The following FLT1 variants were observed in gnomAD, a reference collection of about 807,000 sequenced individuals.
FLT1 encodes the protein vascular endothelial growth factor receptor 1.
In FLT1, 49 loss-of-function variants were observed where a neutral mutation model predicts 156.3. The ratio of observed to expected loss-of-function variants is 0.31; its 90% CI spans 0.25 to 0.40. The LOEUF (loss-of-function observed/expected upper bound fraction) is 0.40. Among genes scored for constraint, FLT1 ranks in the 10% least tolerant of loss-of-function variants. The pLI is 1.00. For synonymous variants in FLT1, 594 were observed against 583.8 expected (o/e 1.02, Z -0.25); for missense variants, 1,322 against 1,637.2 (o/e 0.81, Z 3.32).
chr13:28,394,706 T>C (rs1874937626), intron 12 of FLT1, among the ~76,000 whole-genome samples: 3 of 152,200 alleles, frequency 2.0e-5, no homozygotes, highest in Admixed American at 1.3e-4. Context: ...AGCTCTGTTC[T>C]GGTCGCAGCT....
chr13:28,316,364 G>A (rs1377239475), intron 25 of FLT1, among the ~76,000 whole-genome samples: 1 of 152,232 alleles, frequency 6.6e-6, no homozygotes, highest in Admixed American at 6.5e-5. Flanking sequence ...ACCCCATTGT[G>A]TGGGTGGAAT....
intron 15 of FLT1, among the ~76,000 whole-genome samples, chr13:28,348,205 T>C (rs1051124061): frequency 6.6e-6 from 1 of 152,214 alleles, no homozygotes; most frequent in Non-Finnish European, 1.5e-5. Flanking sequence ...GACTACCTCA[T>C]TGGCCATGGC....
At chr13:28,328,110 TA>T (rs1490771245) in intron 19 of FLT1, among the ~76,000 whole-genome samples, 5 of 152,242 alleles carry the variant, frequency 3.3e-5, no homozygotes, top group Admixed American at 3.3e-4. Flanking sequence ...ATCAAGGAGC[TA>T]CTACTCAATT....
chr13:28,311,114 C>T (rs1870983311), intron 27 of FLT1, among the ~76,000 whole-genome samples: 1 of 152,050 alleles, frequency 6.6e-6, no homozygotes, highest in East Asian at 1.9e-4. Flanking sequence ...CCCACCACCA[C>T]ACCCGGCTAA....
chr13:28,424,964 G>A (rs1337769394), intron 10 of FLT1, among the ~76,000 whole-genome samples: 2 of 152,040 alleles, frequency 1.3e-5, no homozygotes, highest in African/African-American at 4.8e-5. Flanking sequence ...AATTAAAGAG[G>A]GTTTCATTTA....
chr13:28,357,324 A>G (rs1481520771), intron 15 of FLT1, among the ~76,000 whole-genome samples: 2 of 152,042 alleles, frequency 1.3e-5, no homozygotes, highest in African/African-American at 4.8e-5. Context: ...TCCCGCAGAC[A>G]CTGTGTTCGG....
chr13:28,341,731 C>T (rs575554544), intron 16 of FLT1, among the ~76,000 whole-genome samples: 2 of 152,174 alleles, frequency 1.3e-5, no homozygotes, highest in Non-Finnish European at 2.9e-5. Context: ...TTGCCTCCCC[C>T]AATCCCTTTC....
intron 14 of FLT1, among the ~76,000 whole-genome samples, chr13:28,363,383 T>TA (rs1174449998): frequency 6.6e-6 from 1 of 152,192 alleles, no homozygotes; most frequent in Non-Finnish European, 1.5e-5. Context: ...ATAGATACTT[T>TA]ATCCCTTCCT....
Position 28,339,264 on chromosome 13 carries a change from T to A in FLT1, c.2392A>T (p.Ile798Leu). ...SEIKTDYLSI[I>L]MDPDEVPLDE... ...AAAGGAACTTCATCTGGGTCCATTATAATTGATAGGTAGTCAGTCTTTATT... is the reference window on the plus strand; with the variant it reads ...AAAGGAACTTCATCTGGGTCCATTAAAATTGATAGGTAGTCAGTCTTTATT... The change falls in exon 17 of 30, where the codon ATA becomes TTA. Residue 798 changes from isoleucine to leucine, a missense_variant. By Grantham distance (5) the Ile-to-Leu change is conservative. Coordinates refer to ENST00000282397, the MANE Select transcript of FLT1 (RefSeq NM_002019.4). 6.2e-7 allele frequency: 1 copy of A among 1,613,780 alleles called. No individual in the cohort carries two copies. The highest frequency in any genetic ancestry group is 8.5e-7 in the Non-Finnish European group (1 of 1,179,660).
intron 28 of FLT1, among the ~76,000 whole-genome samples, chr13:28,307,342 G>A (rs974468059): frequency 1.3e-5 from 2 of 152,068 alleles, no homozygotes; most frequent in African/African-American, 4.8e-5. Context: ...TGGATCCCAC[G>A]CTTTGTTCCT....
At chr13:28,319,259 C>G (rs748578034) in intron 24 of FLT1, among the ~76,000 whole-genome samples, 164 bp downstream of exon 24, 2 of 152,168 alleles carry the variant, frequency 1.3e-5, no homozygotes, top group South Asian at 4.1e-4. Flanking sequence ...GGCAGACATG[C>G]GTACGCCATT....
intron 1 of FLT1, among the ~76,000 whole-genome samples, chr13:28,480,835 TTAGA>T (rs1410897057): frequency 6.6e-6 from 1 of 152,168 alleles, no homozygotes; most frequent in African/African-American, 2.4e-5. Flanking sequence ...TAATCATACT[TTAGA>T]TACATACCCA....
Position 28,360,255 on chromosome 13 carries a change from G to A in FLT1, c.2117-2570C>T, listed in dbSNP as rs190271251. Among the ~76,000 whole-genome samples, 222 of 152,236 alleles carry A rather than the reference G, an allele frequency of 1.5e-3. 2 individuals carry two copies. Among genetic ancestry groups the A allele is most frequent in the Non-Finnish European group, 2.3e-3 (155 of 68,010 alleles). On this transcript the variant is annotated intron_variant, in intron 14 of 29. Coordinates refer to ENST00000282397, the MANE Select transcript of FLT1 (RefSeq NM_002019.4). ...GGTTGGTGGCATTATAAATTGTTACGGCCATTTTGGAAAACCATATGGAGC... is the reference window on the plus strand; with the variant it reads ...GGTTGGTGGCATTATAAATTGTTACAGCCATTTTGGAAAACCATATGGAGC...
At position 28,427,883 on chromosome 13, in the gene FLT1, C is replaced by T. The variant is rs974445913; in HGVS notation, c.1145G>A (p.Arg382His). 10 of 1,613,838 alleles carry T rather than the reference C, an allele frequency of 6.2e-6. No individual in the cohort carries two copies. The highest frequency in any genetic ancestry group is 4.5e-5 in the East Asian group (2 of 44,888). The change falls in exon 9 of 30, where the codon CGC (arginine) becomes CAC (histidine). Residue 382 changes from arginine to histidine, a missense_variant. Arg to His is a conservative substitution (Grantham distance 29, BLOSUM62 0). Coordinates refer to ENST00000282397, the MANE Select transcript of FLT1 (RefSeq NM_002019.4). ...TAACGAGTAGCCACGAGTCAAATAG[C>T]GAGCAGATTTCTCAGTCGCAGGTAA... ...DGLPATEKSA[R>H]YLTRGYSLII... is the part of the protein sequence containing the mutation.
In FLT1 at chr13:28,390,022, C is replaced by A; in HGVS notation, c.1743G>T (p.Lys581Asn). ...EDLKLSCTVN[K>N]FLYRDVTWIL... The stretch of plus-strand genomic sequence containing the variant: ...TCCAAGTAACGTCTCTGTATAAGAA[C>A]TTGTTAACTGTGCAAGACAGTTTCA... The change falls in exon 13 of 30, where the codon AAG becomes AAT. Residue 581 changes from lysine to asparagine, a missense_variant. Physicochemically the swap from Lys to Asn is moderately conservative, Grantham distance 94. Around this residue, in one of 3 missense-constraint regions of FLT1, gnomAD observed 991 missense variants for 1,254.8 expected, o/e 0.79. Coordinates refer to ENST00000282397, the MANE Select transcript of FLT1 (RefSeq NM_002019.4). The A allele has an allele frequency of 6.2e-7, 1 of 1,614,178 alleles. No individual in the cohort carries two copies. The highest frequency in any genetic ancestry group is 8.5e-7 in the Non-Finnish European group (1 of 1,180,030).
intron 3 of FLT1, among the ~76,000 whole-genome samples, chr13:28,459,211 C>T (rs1047603669): frequency 6.6e-6 from 1 of 152,154 alleles, no homozygotes; most frequent in African/African-American, 2.4e-5. Context: ...GAGAGTCCTA[C>T]CTTTGTTCAC....
intron 11 of FLT1, among the ~76,000 whole-genome samples, chr13:28,402,124 T>C (rs1459161775): frequency 6.6e-6 from 1 of 152,060 alleles, no homozygotes. Flanking sequence ...TTGTCCTCTA[T>C]ACCCTTCCTT....
At chr13:28,467,645 AT>A (rs1321415473) in intron 1 of FLT1, 28 bp from the exon 2 acceptor site, 1 of 1,257,708 alleles carries the variant, frequency 8.0e-7, no homozygotes, top group South Asian at 1.3e-5. Context: ...AAAATGTATT[AT>A]TTGTAAATTG....
chr13:28,457,162 G>GA (rs543418653), intron 3 of FLT1, among the ~76,000 whole-genome samples: 5,518 of 145,134 alleles, frequency 0.038, 336 homozygotes, highest in African/African-American at 0.13. Flanking sequence ...ACTGCTCTAG[G>GA]AAAAAAAAAA....
Sources: gnomAD v4.1 joint callset for allele counts (sites outside exome capture counted in the v4.1 genomes callset) on GRCh38, gnomAD v4.1.1 for gene constraint, gnomAD v4.1.1 regional missense constraint, MANE v1.5 for transcripts, NCBI Gene and HGNC (gene_info 2026-07-23, HGNC 2026-07-21) for gene names.